Variants in STAG2 observed in about 807,000 individuals in gnomAD.
The protein encoded by STAG2 is cohesin subunit SA-2.
Under a neutral mutation model 108.1 loss-of-function variants are expected in STAG2, and 14 were observed. That is an observed-to-expected ratio of 0.13 (90% CI 0.09 to 0.20). The LOEUF (loss-of-function observed/expected upper bound fraction) is 0.20. Among genes scored for constraint, STAG2 ranks in the 10% least tolerant of loss-of-function variants. The pLI is 1.00. For missense variants in STAG2, 440 were observed against 940.9 expected, an observed-to-expected ratio of 0.47 and a Z score of 6.96; for synonymous variants, 307 against 302.7, an observed-to-expected ratio of 1.01 and a Z score of -0.15.
intron 1 of STAG2, among the ~76,000 whole-genome samples, chrX:123,992,773 CAA>C (rs1167447531): frequency 1.8e-5 from 2 of 111,106 alleles, no homozygotes; most frequent in Non-Finnish European, 3.8e-5. Flanking sequence ...TTCCTGAGCT[CAA>C]GAGATCTGCC....
intron 32 of STAG2, among the ~76,000 whole-genome samples, chrX:124,091,786 A>G (rs1023387361): frequency 8.9e-6 from 1 of 112,810 alleles, no homozygotes; most frequent in African/African-American, 3.2e-5. Flanking sequence ...CTTGGCACGT[A>G]AAAGGTGCTA....
chrX:124,099,643 A>G (rs758065963), intron 34 of STAG2, among the ~76,000 whole-genome samples: 3 of 111,914 alleles, frequency 2.7e-5, no homozygotes, highest in East Asian at 5.6e-4. Flanking sequence ...GCTCAAAACA[A>G]TACATGAGTT....
Position 124,047,388 on chromosome X carries a change from A to G in STAG2, c.702A>G (p.Ala234=). The change falls in exon 9 of 35, where the codon GCA becomes GCG. Residue 234 remains alanine, a synonymous_variant. Transcript: ENST00000371145. The part of the protein sequence containing the change: ...MKLMTALVNV[A]LNLSINMDNT... ...TGATGACAGCTTTGGTGAATGTGGC[A>G]CTAAATCTTAGCATTAATATGGATA... 8.3e-7 allele frequency: 1 copy of G among 1,202,592 alleles called. No individual in the cohort carries two copies. The highest frequency in any genetic ancestry group is 1.1e-6 in the Non-Finnish European group (1 of 891,234).
At chrX:124,040,039 A>C (rs976325054) in intron 6 of STAG2, among the ~76,000 whole-genome samples, 5 of 111,847 alleles carry the variant, frequency 4.5e-5, no homozygotes, top group Non-Finnish European at 7.5e-5. Context: ...GGCAATCTCC[A>C]TGAAGGGGAA....
At chrX:124,039,895 A>G (rs1391276292) in intron 6 of STAG2, among the ~76,000 whole-genome samples, 3 of 110,388 alleles carry the variant, frequency 2.7e-5, no homozygotes, top group Non-Finnish European at 3.8e-5. Flanking sequence ...TTTGTTTACA[A>G]ATCAGGAGCT....
At chrX:123,975,217 C>T (rs1477075440) in intron 1 of STAG2, among the ~76,000 whole-genome samples, 2 of 108,328 alleles carry the variant, frequency 1.8e-5, no homozygotes, top group Non-Finnish European at 3.9e-5. Context: ...TTCCCTTCTA[C>T]ACTATTAAAA....
intron 20 of STAG2, among the ~76,000 whole-genome samples, chrX:124,065,183 A>G (rs1182418869): frequency 8.9e-6 from 1 of 112,251 alleles, no homozygotes; most frequent in Non-Finnish European, 1.9e-5. Flanking sequence ...TCTTGGCTGA[A>G]TATAATTTTG....
chrX:124,025,641 T>A (rs1359267405), intron 3 of STAG2, among the ~76,000 whole-genome samples, 199 bp from the exon 4 acceptor site: 1 of 111,536 alleles, frequency 9.0e-6, no homozygotes, highest in Non-Finnish European at 1.9e-5. Context: ...TTATTATTTT[T>A]GTAGCTGCTT....
At chrX:124,042,836 A>G (rs181398770) in intron 7 of STAG2, among the ~76,000 whole-genome samples, 191 bp downstream of exon 7, 21 of 109,047 alleles carry the variant, frequency 1.9e-4, no homozygotes, top group African/African-American at 7.0e-4. Flanking sequence ...ATATGGTGAA[A>G]CCCTGTCTCT....
rs1316449330 is a variant in STAG2, at chrX:124,024,549, A to G, written c.45-1291A>G. ...GGCCCTTTCCTCTCAACATTGTAGG[A>G]TATAGTTAGGATTGCCACCACCTTC... On this transcript the variant is annotated intron_variant, in intron 3 of 34. Transcript: ENST00000371145. Among the ~76,000 whole-genome samples, 3 of 110,912 alleles carry G rather than the reference A, an allele frequency of 2.7e-5. No individual in the cohort carries two copies. The East Asian group carries it at 8.5e-4, about 31-fold the overall frequency.
chrX:123,968,205 A>G (rs1322870641), intron 1 of STAG2, among the ~76,000 whole-genome samples: 1 of 111,893 alleles, frequency 8.9e-6, no homozygotes, highest in East Asian at 2.8e-4. Context: ...AGCTGGGACC[A>G]CCGTCTTATA....
rs1241333679 is a variant in STAG2, at chrX:124,083,535, A to G, written c.3039A>G (p.Gln1013=). 3 of 1,187,912 alleles carry G rather than the reference A, an allele frequency of 2.5e-6. No homozygotes were observed. The highest frequency in any genetic ancestry group is 2.3e-6 in the Non-Finnish European group (2 of 883,276). The change falls in exon 29 of 35, where the codon CAA becomes CAG. Residue 1013 remains glutamine, a synonymous_variant. Coordinates refer to ENST00000371145, the MANE Select transcript of STAG2 (RefSeq NM_001042750.2). ...AATTTTCTTCTAAACTACTTCGACA[A>G]GACAAAAGAACAGTGTATGTATTTG... The part of the protein sequence containing the change: ...LSEFSSKLLR[Q]DKRTVYVYLE...
In STAG2 at chrX:124,045,384, T is replaced by C; in HGVS notation, c.667+16T>C. 1 of 1,160,126 alleles carries C rather than the reference T, an allele frequency of 8.6e-7. No homozygotes were observed. On this transcript the variant is annotated intron_variant, in intron 8 of 34. Transcript: ENST00000371145. ...ACCCTGGCAGGTCGGTATTTAGAAA[T>C]ATTTTCTGCATATTGTCTTAGATTT...
intron 1 of STAG2, among the ~76,000 whole-genome samples, chrX:124,009,437 AGG>A (rs1569501975): frequency 0.019 from 1,659 of 88,846 alleles, 34 homozygotes; most frequent in African/African-American, 0.047. Context: ...GTAGGTAGGT[AGG>A]TAGGTAGATA....
At position 123,987,182 on chromosome X, in the gene STAG2, G is replaced by A. The variant is rs752175041; in HGVS notation, c.-163+25326G>A. On this transcript the variant is annotated intron_variant, in intron 1 of 34. Coordinates refer to ENST00000371145, the MANE Select transcript of STAG2 (RefSeq NM_001042750.2). Reference sequence around the variant, plus strand: ...TAATTTTTGTGTTTTTAGTACAGACGGGTTTCACCATGTTGGTCAGGCTGA... The same window carrying A: ...TAATTTTTGTGTTTTTAGTACAGACAGGTTTCACCATGTTGGTCAGGCTGA... Among the ~76,000 whole-genome samples the A allele has an allele frequency of 3.1e-4, 34 of 108,819 alleles. No individual in the cohort carries two copies. In the East Asian group the frequency reaches 9.0e-3, roughly 29 times the overall value. 94.5% of individuals were successfully genotyped at this position (108,819 alleles called of 115,157 possible). A position where few individuals can be genotyped will look rare whatever the true frequency, so the allele number is the denominator to read the frequency against.
chrX:124,102,532 A>G lies in STAG2; in HGVS notation c.*1935A>G. 1 of 153,559 alleles carries G rather than the reference A, an allele frequency of 6.5e-6. No individual in the cohort carries two copies. Among genetic ancestry groups the G allele is most frequent in the Non-Finnish European group, 1.3e-5 (1 of 77,685 alleles). 12.7% of individuals were successfully genotyped at this position (153,559 alleles called of 1,213,427 possible). Reference sequence around the variant, plus strand: ...TGTTTTCTCTTGTACTCAAAGGGGGAGGGTGGCTATAAATGGTTTGCAAAT... The same window carrying G: ...TGTTTTCTCTTGTACTCAAAGGGGGGGGGTGGCTATAAATGGTTTGCAAAT... On this transcript the variant is annotated 3_prime_UTR_variant, in exon 35 of 35. Coordinates refer to ENST00000371145, the MANE Select transcript of STAG2 (RefSeq NM_001042750.2).
chrX:123,961,677 C>T (rs1038380150), upstream of STAG2: 1 of 100,720 alleles, frequency 9.9e-6, no homozygotes, highest in Non-Finnish European at 2.0e-5. Context: ...CCCTTCCCCT[C>T]CTCCCTTCCC....
chrX:124,052,931 C>T (rs954278370), intron 13 of STAG2, among the ~76,000 whole-genome samples: 5 of 110,256 alleles, frequency 4.5e-5, no homozygotes, highest in Non-Finnish European at 7.6e-5. Context: ...ATTCCCCTGC[C>T]TCAGCTTCCC....
At chrX:124,047,651 C>G in intron 9 of STAG2, 146 bp downstream of exon 9, 1 of 518,512 alleles carries the variant, frequency 1.9e-6, no homozygotes, top group Non-Finnish European at 3.1e-6. Context: ...CAACAAAATT[C>G]TGATGAATAT....
Sources: allele counts gnomAD v4.1 joint callset (sites outside exome capture counted in the v4.1 genomes callset), GRCh38; gene constraint gnomAD v4.1.1; transcripts MANE v1.5; gene names NCBI Gene and HGNC (gene_info 2026-07-23, HGNC 2026-07-21).